MYOZ2: variants seen among roughly 807,000 people sequenced by gnomAD.
The protein encoded by MYOZ2 is myozenin-2.
MYOZ2 carries 19 observed loss-of-function variants against 25.4 expected under a neutral mutation model. That is an observed-to-expected ratio of 0.75 (90% CI 0.52 to 1.10). MYOZ2 has a LOEUF of 1.10. MYOZ2 is among the 50% of genes least tolerant of loss of function. The probability of loss-of-function intolerance (pLI) is 0.00; values close to 1 mark genes in which losing one functional copy is unlikely to be tolerated. For missense variants in MYOZ2, 270 were observed against 317.9 expected (o/e 0.85, Z 1.15); for synonymous variants, 92 against 106.9 (o/e 0.86, Z 0.86).
At chr4:119,149,619 T>C (rs1741402505) in intron 2 of MYOZ2, among the ~76,000 whole-genome samples, 1 of 152,198 alleles carries the variant, frequency 6.6e-6, no homozygotes, top group Non-Finnish European at 1.5e-5. Context: ...ATCACCATGT[T>C]GTTCCTTGGG....
At chr4:119,174,398 C>T (rs977122153) in intron 5 of MYOZ2, among the ~76,000 whole-genome samples, 2 of 152,170 alleles carry the variant, frequency 1.3e-5, no homozygotes, top group Non-Finnish European at 2.9e-5. Flanking sequence ...CCAATGGACA[C>T]TCTGTATCTA....
chr4:119,185,850 T>C (rs534195378), intron 5 of MYOZ2, 116 bp from the exon 6 acceptor site: 1 of 834,708 alleles, frequency 1.2e-6, no homozygotes, highest in Admixed American at 2.2e-5. Flanking sequence ...AGTAAGCCCA[T>C]AAAATAATGA....
intron 3 of MYOZ2, among the ~76,000 whole-genome samples, chr4:119,154,924 A>G (rs1741539447): frequency 6.6e-6 from 1 of 151,676 alleles, no homozygotes; most frequent in African/African-American, 2.4e-5. Context: ...GTTGTTATAA[A>G]GTAATAGCTG....
At chr4:119,150,817 A>G in intron 2 of MYOZ2, 55 bp from the exon 3 acceptor site, 1 of 1,523,522 alleles carries the variant, frequency 6.6e-7, no homozygotes, top group Non-Finnish European at 9.1e-7. Flanking sequence ...AAATTTATAA[A>G]AGCATTAAAA....
At chr4:119,137,482 C>T (rs774284534) in intron 2 of MYOZ2, among the ~76,000 whole-genome samples, 1 of 152,080 alleles carries the variant, frequency 6.6e-6, no homozygotes, top group Admixed American at 6.6e-5. Flanking sequence ...AGGAATGCAG[C>T]CTTTCACCAC....
chr4:119,156,228 C>T (rs915496042), intron 3 of MYOZ2, among the ~76,000 whole-genome samples: 2 of 151,614 alleles, frequency 1.3e-5, no homozygotes, highest in African/African-American at 4.8e-5. Flanking sequence ...GAGAGGGGTC[C>T]TCTTGCTAGG....
At chr4:119,173,982 C>T (rs978327091) in intron 5 of MYOZ2, among the ~76,000 whole-genome samples, 2 of 152,202 alleles carry the variant, frequency 1.3e-5, no homozygotes, top group Non-Finnish European at 2.9e-5. Context: ...AGCCCACCGG[C>T]GCTGCACTTG....
At chr4:119,169,921 AAAG>A (rs1741913038) in intron 5 of MYOZ2, among the ~76,000 whole-genome samples, 3 of 152,240 alleles carry the variant, frequency 2.0e-5, no homozygotes, top group Admixed American at 2.0e-4. Context: ...TCCCTTCTAG[AAAG>A]AAGATGACAT....
Position 119,158,078 on chromosome 4 carries a change from G to T in MYOZ2, c.303G>T (p.Ser101=), listed in dbSNP as rs527258961. 14 of 1,613,864 alleles carry T rather than the reference G, an allele frequency of 8.7e-6. No homozygotes were observed. In the South Asian group the frequency reaches 9.9e-5, roughly 11 times the overall value. Residue 101 remains serine, a synonymous_variant, in exon 4 of 6, where the codon TCG becomes TCT. Transcript: ENST00000307128. ...KVDGSNLEGG[S]QQAPLTPPNT... ...ATGGAAGTAACTTGGAAGGTGGTTC[G>T]CAGCAAGCCCCCTTGACTCCTCCCA... is the stretch of plus-strand genomic sequence containing the variant.
chr4:119,136,354 C>G (rs1741021015), intron 1 of MYOZ2, among the ~76,000 whole-genome samples, 158 bp from the exon 2 acceptor site: 1 of 152,200 alleles, frequency 6.6e-6, no homozygotes, highest in South Asian at 2.1e-4. Flanking sequence ...ATAACATACT[C>G]TGTCACCAGA....
At chr4:119,164,931 A>G (rs964457279) in intron 5 of MYOZ2, among the ~76,000 whole-genome samples, 1 of 152,072 alleles carries the variant, frequency 6.6e-6, no homozygotes, top group East Asian at 1.9e-4. Context: ...TATCTGTAGT[A>G]TAGTTTATAG....
chr4:119,143,379 A>G (rs1002582608), intron 2 of MYOZ2, among the ~76,000 whole-genome samples: 3 of 152,048 alleles, frequency 2.0e-5, no homozygotes, highest in Non-Finnish European at 4.4e-5. Flanking sequence ...TATTTTTAGT[A>G]GAGATGCGGT....
intron 4 of MYOZ2, among the ~76,000 whole-genome samples, chr4:119,159,202 T>C (rs1262461608): frequency 6.6e-6 from 1 of 152,100 alleles, no homozygotes; most frequent in African/African-American, 2.4e-5. Context: ...TTTGGGAGGC[T>C]GAGGATCACT....
At chr4:119,181,704 G>A (rs1170764626) in intron 5 of MYOZ2, among the ~76,000 whole-genome samples, 2 of 152,132 alleles carry the variant, frequency 1.3e-5, no homozygotes, top group Admixed American at 1.3e-4. Flanking sequence ...GGAATTTGGA[G>A]GCTATCTTGA....
At chr4:119,150,810 T>C (rs1239759404) in intron 2 of MYOZ2, 62 bp from the exon 3 acceptor site, 2 of 1,503,334 alleles carry the variant, frequency 1.3e-6, no homozygotes, top group Non-Finnish European at 1.8e-6. Flanking sequence ...AATTAAGAAA[T>C]TTATAAAAGC....
rs1578729969 is a variant in MYOZ2, at chr4:119,150,951, C to T, written c.156C>T (p.Asn52=). The T allele has an allele frequency of 6.2e-7, 1 of 1,613,566 alleles. No homozygotes were observed. Among genetic ancestry groups the T allele is most frequent in the Non-Finnish European group, 8.5e-7 (1 of 1,179,618 alleles). ...TGGAAGAATTATCCCATCTCAGTAA[C>T]CGTGGTGCCAGGCTATTTAAGATGC... ...IMLEELSHLS[N]RGARLFKMRQ... Residue 52 remains asparagine, a synonymous_variant, in exon 3 of 6, where the codon AAC becomes AAT. Transcript: ENST00000307128.
chr4:119,186,655 G>C lies in MYOZ2; in HGVS notation c.*455G>C, dbSNP rs1246235259. The C allele has an allele frequency of 1.2e-5, 2 of 166,270 alleles. No individual in the cohort carries two copies. Among genetic ancestry groups the C allele is most frequent in the East Asian group, 3.6e-4 (2 of 5,602 alleles). The allele number at this position is 166,270 out of a possible 1,614,324, so 10.3% of individuals were successfully genotyped here. A position where few individuals can be genotyped will look rare whatever the true frequency, so the allele number is the denominator to read the frequency against. ...ATGTTATTGATGGAGAAAATGGTTG[G>C]GTGTGTCCTTTCTGGTGACCATGAG... On this transcript the variant is annotated 3_prime_UTR_variant, in exon 6 of 6. Coordinates refer to ENST00000307128, the MANE Select transcript of MYOZ2 (RefSeq NM_016599.5).
Position 119,150,648 on chromosome 4 carries a change from T to G in MYOZ2, c.77-224T>G, listed in dbSNP as rs969821335. Among the ~76,000 whole-genome samples the G allele has an allele frequency of 2.0e-5, 3 of 152,080 alleles. No individual in the cohort carries two copies. The South Asian group carries it at 6.2e-4, about 32-fold the overall frequency. Reference sequence around the variant, plus strand: ...ATGTGCCAGGTACCAGGCTACATGCTTTACATGAAGCATTTTTATTTCATT... The same window carrying G: ...ATGTGCCAGGTACCAGGCTACATGCGTTACATGAAGCATTTTTATTTCATT... On this transcript the variant is annotated intron_variant, in intron 2 of 5. Transcript: ENST00000307128.
intron 5 of MYOZ2, 148 bp downstream of exon 5, chr4:119,164,542 G>C: frequency 1.4e-6 from 1 of 707,232 alleles, no homozygotes; most frequent in Non-Finnish European, 2.3e-6. Context: ...TCTAAGCCTA[G>C]GCAAAGACTC....
Sources: gnomAD v4.1 joint callset for allele counts (sites outside exome capture counted in the v4.1 genomes callset) on GRCh38, gnomAD v4.1.1 for gene constraint, MANE v1.5 for transcripts, NCBI Gene and HGNC (gene_info 2026-07-23, HGNC 2026-07-21) for gene names.